Variants in GRM1 observed in about 807,000 individuals in gnomAD.
The protein encoded by GRM1 is glutamate metabotropic receptor 1.
In GRM1, 33 loss-of-function variants were observed where a neutral mutation model predicts 90.9. That is an observed-to-expected ratio of 0.36 (90% CI 0.28 to 0.49). The LOEUF is 0.49. Among genes scored for constraint, GRM1 ranks in the 20% least tolerant of loss-of-function variants. The probability of loss-of-function intolerance (pLI) is 0.99; values close to 1 mark genes in which losing one functional copy is unlikely to be tolerated. For missense variants in GRM1, 1,190 were observed against 1,534.3 expected (o/e 0.78, Z 3.75); for synonymous variants, 700 against 613.2 (o/e 1.14, Z -2.09).
chr6:146,401,647 T>G (rs1777164003), intron 7 of GRM1, among the ~76,000 whole-genome samples: 1 of 152,218 alleles, frequency 6.6e-6, no homozygotes, highest in South Asian at 2.1e-4. Context: ...TCTAATTACC[T>G]TGCCTTTATT....
At chr6:146,096,161 A>C (rs1261990570) in intron 1 of GRM1, among the ~76,000 whole-genome samples, 1 of 152,122 alleles carries the variant, frequency 6.6e-6, no homozygotes, top group Non-Finnish European at 1.5e-5. Flanking sequence ...TTGTTTTTTC[A>C]AACAGATTTA....
chr6:146,150,474 T>C (rs1473992825), intron 1 of GRM1, among the ~76,000 whole-genome samples: 1 of 152,216 alleles, frequency 6.6e-6, no homozygotes, highest in African/African-American at 2.4e-5. Context: ...ACATGTGATA[T>C]TTTGACACAG....
At chr6:146,311,641 A>G (rs1047898304) in intron 3 of GRM1, among the ~76,000 whole-genome samples, 1 of 152,220 alleles carries the variant, frequency 6.6e-6, no homozygotes, top group Non-Finnish European at 1.5e-5. Flanking sequence ...TCAGTTCCTC[A>G]GTTTCACTAG....
At chr6:146,365,052 T>G (rs1263866488) in intron 5 of GRM1, 1 of 152,166 alleles carries the variant, frequency 6.6e-6, no homozygotes, top group African/African-American at 2.4e-5. Flanking sequence ...CTGTGTAATA[T>G]CTTCTCAATT....
chr6:146,049,784 C>G (rs1306974202), intron 1 of GRM1, among the ~76,000 whole-genome samples: 1 of 151,628 alleles, frequency 6.6e-6, no homozygotes, highest in Non-Finnish European at 1.5e-5. Flanking sequence ...ATGGCAGTAC[C>G]ATGGAGTGAG....
intron 1 of GRM1, among the ~76,000 whole-genome samples, chr6:146,054,091 T>C (rs1169116241): frequency 6.6e-6 from 1 of 152,070 alleles, no homozygotes; most frequent in African/African-American, 2.4e-5. Context: ...CCTGCTTAAA[T>C]AGAGGACAAT....
chr6:146,145,467 C>G (rs561035776), intron 1 of GRM1, among the ~76,000 whole-genome samples: 2 of 152,304 alleles, frequency 1.3e-5, no homozygotes, highest in East Asian at 3.9e-4. Flanking sequence ...CTCTCTGTCC[C>G]CAAGCACACT....
intron 3 of GRM1, among the ~76,000 whole-genome samples, chr6:146,327,234 G>A (rs1023915574): frequency 6.6e-6 from 1 of 152,138 alleles, no homozygotes; most frequent in African/African-American, 2.4e-5. Context: ...TCTCTTGGCT[G>A]TGATTCTTAT....
chr6:146,326,467 A>G (rs1784404571), intron 3 of GRM1, among the ~76,000 whole-genome samples: 2 of 152,158 alleles, frequency 1.3e-5, no homozygotes, highest in African/African-American at 2.4e-5. Flanking sequence ...GAGGGAGAGG[A>G]TCAGGGAAAA....
chr6:146,354,223 G>A (rs1451739323), intron 4 of GRM1, among the ~76,000 whole-genome samples: 1 of 152,160 alleles, frequency 6.6e-6, no homozygotes, highest in Non-Finnish European at 1.5e-5. Flanking sequence ...TCAGGAACTG[G>A]GCATGTGAAA....
chr6:146,263,015 T>TA (rs1781757619), intron 2 of GRM1, among the ~76,000 whole-genome samples: 1 of 151,976 alleles, frequency 6.6e-6, no homozygotes, highest in Admixed American at 6.6e-5. Flanking sequence ...GTACCACACT[T>TA]ACTGCTGCTG....
chr6:146,065,824 T>C (rs1456075594), intron 1 of GRM1, among the ~76,000 whole-genome samples: 2 of 152,160 alleles, frequency 1.3e-5, no homozygotes, highest in African/African-American at 4.8e-5. Flanking sequence ...GGGAAAAAGA[T>C]TGTATTGTCA....
intron 3 of GRM1, 78 bp downstream of exon 3, chr6:146,304,924 T>C (rs1197302728): frequency 9.8e-7 from 1 of 1,020,138 alleles, no homozygotes; most frequent in African/African-American, 1.6e-5. Flanking sequence ...TGAATGAGAA[T>C]AGAAGGTGCC....
chr6:146,044,545 A>G (rs1177640965), intron 1 of GRM1, among the ~76,000 whole-genome samples: 1 of 152,010 alleles, frequency 6.6e-6, no homozygotes, highest in Non-Finnish European at 1.5e-5. Context: ...AAGACACCCT[A>G]TGTCTCTTAA....
chr6:146,212,250 G>C (rs920508441), intron 2 of GRM1, among the ~76,000 whole-genome samples: 5 of 152,212 alleles, frequency 3.3e-5, no homozygotes, highest in Non-Finnish European at 7.3e-5. Flanking sequence ...GCCTAGCTAA[G>C]TTGACACATC....
At chr6:146,242,499 A>G (rs991768053) in intron 2 of GRM1, among the ~76,000 whole-genome samples, 2 of 152,128 alleles carry the variant, frequency 1.3e-5, no homozygotes, top group African/African-American at 4.8e-5. Flanking sequence ...TATTTTCTAA[A>G]ATGATCACAT....
At chr6:146,177,812 C>A (rs1242517434) in intron 2 of GRM1, among the ~76,000 whole-genome samples, 2 of 152,096 alleles carry the variant, frequency 1.3e-5, no homozygotes, top group African/African-American at 4.8e-5. Flanking sequence ...CATATAAGCA[C>A]TTGCTCATCA....
At chr6:146,316,034 TTA>T (rs1178140001) in intron 3 of GRM1, among the ~76,000 whole-genome samples, 1 of 152,210 alleles carries the variant, frequency 6.6e-6, no homozygotes, top group Admixed American at 6.5e-5. Flanking sequence ...CACAAATTTA[TTA>T]TGTTACAATT....
intron 1 of GRM1, among the ~76,000 whole-genome samples, chr6:146,156,050 G>A (rs982670839): frequency 3.9e-5 from 6 of 152,184 alleles, no homozygotes; most frequent in Admixed American, 3.9e-4. Context: ...AGGATACTAT[G>A]CTTTGCCCAC....
Sources: gnomAD v4.1 joint callset for allele counts (sites outside exome capture counted in the v4.1 genomes callset) on GRCh38, gnomAD v4.1.1 for gene constraint, MANE v1.5 for transcripts, NCBI Gene and HGNC (gene_info 2026-07-23, HGNC 2026-07-21) for gene names.